EYS: variants seen among roughly 807,000 people sequenced by gnomAD.
The protein encoded by EYS is EGF-like photoreceptor maintenance factor.
A neutral mutation model predicts 282.1 loss-of-function variants in EYS; 250 were observed. The ratio of observed to expected loss-of-function variants is 0.89; its 90% CI spans 0.80 to 0.98. The LOEUF is 0.98. EYS is among the 50% of genes least tolerant of loss of function. The pLI is 0.00. For synonymous variants in EYS, 1,355 were observed against 1,282.9 expected (o/e 1.06, Z -1.20); for missense variants, 4,016 against 3,709.0 (o/e 1.08, Z -2.15).
At chr6:63,864,447 T>G (rs946953293) in intron 35 of EYS, 89 bp from the exon 36 acceptor site, 7 of 868,384 alleles carry the variant, frequency 8.1e-6, no homozygotes, top group Non-Finnish European at 3.3e-6. Context: ...TGAACACATA[T>G]GCAAATAAAA....
chr6:65,104,330 T>C lies in EYS; in HGVS notation c.2024-46603A>G, dbSNP rs371945165. On this transcript the variant is annotated intron_variant, in intron 12 of 42. Transcript: ENST00000503581. ...AATGTTTAGAATGTTGTTTCTTTAC[T>C]ATATTTAATAAAATATCAATTACTG... Among the ~76,000 whole-genome samples, 4 of 151,626 alleles carry C rather than the reference T, an allele frequency of 2.6e-5. No homozygotes were observed. The South Asian group carries it at 6.2e-4, about 24-fold the overall frequency.
intron 35 of EYS, among the ~76,000 whole-genome samples, chr6:63,963,633 A>G (rs1355261491): frequency 1.3e-5 from 2 of 152,192 alleles, no homozygotes; most frequent in East Asian, 3.9e-4. Context: ...CAAGCTTGTC[A>G]CAGACTATGG....
intron 2 of EYS, among the ~76,000 whole-genome samples, chr6:65,563,455 A>C (rs1769143065): frequency 6.6e-6 from 1 of 152,064 alleles, no homozygotes; most frequent in Non-Finnish European, 1.5e-5. Flanking sequence ...TTCATGTATG[A>C]TCAAAATTTA....
intron 12 of EYS, among the ~76,000 whole-genome samples, chr6:65,122,114 T>C (rs780522620): frequency 6.6e-6 from 1 of 152,124 alleles, no homozygotes; most frequent in African/African-American, 2.4e-5. Flanking sequence ...AGGTCTCATA[T>C]TGAATCTTGA....
intron 5 of EYS, among the ~76,000 whole-genome samples, chr6:65,448,034 T>C (rs1367909016): frequency 1.3e-5 from 2 of 152,078 alleles, no homozygotes; most frequent in Admixed American, 6.6e-5. Context: ...GATGAAGTGT[T>C]GTTCAGCAGA....
chr6:63,899,127 C>T (rs1274445866), intron 35 of EYS, among the ~76,000 whole-genome samples: 1 of 152,158 alleles, frequency 6.6e-6, no homozygotes, highest in African/African-American at 2.4e-5. Context: ...AGAGAACAGA[C>T]AATTCTGGAA....
Position 63,721,563 on chromosome 6 carries a change from A to G in EYS, c.8468T>C (p.Ile2823Thr), listed in dbSNP as rs149686954. The G allele has an allele frequency of 3.2e-6, 5 of 1,551,760 alleles. No homozygotes were observed. The highest frequency in any genetic ancestry group is 1.7e-4 in the Middle Eastern group (1 of 5,998). Residue 2823 changes from isoleucine (I) to threonine (T), a missense_variant, in exon 43 of 43, where the codon ATT becomes ACT. Ile to Thr is a moderately conservative substitution (Grantham distance 89). Coordinates refer to ENST00000503581, the MANE Select transcript of EYS (RefSeq NM_001142800.2). ...SSLDTNTDFY[I>T]GGVSSLNLVN... The stretch of plus-strand genomic sequence containing the variant: ...AAGATTTAAAGAAGATACTCCTCCA[A>G]TATAGAAGTCTGTATTTGTGTCCAG...
intron 12 of EYS, among the ~76,000 whole-genome samples, chr6:65,106,795 C>T (rs34199013): frequency 0.19 from 29,137 of 151,970 alleles, 3,360 homozygotes; most frequent in South Asian, 0.27. Context: ...ATGTAAAATG[C>T]ATTTTTGTAG....
intron 2 of EYS, among the ~76,000 whole-genome samples, chr6:65,534,561 G>A (rs1767896430): frequency 6.6e-6 from 1 of 152,034 alleles, no homozygotes; most frequent in Admixed American, 6.6e-5. Context: ...CTGAAAAACA[G>A]CCAGCACTTC....
At chr6:64,549,927 C>G (rs1022863928) in intron 26 of EYS, among the ~76,000 whole-genome samples, 5 of 152,102 alleles carry the variant, frequency 3.3e-5, no homozygotes, top group Non-Finnish European at 7.3e-5. Context: ...TGATGTTCCC[C>G]TTCCTGTGTC....
At chr6:65,398,935 A>T (rs185894630) in intron 7 of EYS, among the ~76,000 whole-genome samples, 1 of 152,082 alleles carries the variant, frequency 6.6e-6, no homozygotes, top group Non-Finnish European at 1.5e-5. Context: ...CCTTAGAGTT[A>T]CCCTTGACTT....
intron 22 of EYS, among the ~76,000 whole-genome samples, chr6:64,681,431 A>C (rs529384946): frequency 6.6e-6 from 1 of 152,286 alleles, no homozygotes; most frequent in South Asian, 2.1e-4. Context: ...TGAGGGGGGA[A>C]AATACTAGGG....
chr6:64,283,903 C>T lies in EYS; in HGVS notation c.6191+23067G>A, dbSNP rs556199126. On this transcript the variant is annotated intron_variant, in intron 30 of 42. Coordinates refer to ENST00000503581, the MANE Select transcript of EYS (RefSeq NM_001142800.2). The stretch of plus-strand genomic sequence containing the variant: ...ACCACAAGAACAGCATGGGGGGAAC[C>T]GCCTCCACGATTCAAATTATCCCCA... Among the ~76,000 whole-genome samples the T allele has an allele frequency of 5.1e-4, 78 of 152,048 alleles. 1 individual carries two copies. The highest frequency in any genetic ancestry group is 1.6e-3 in the African/African-American group (68 of 41,396).
chr6:65,158,349 T>C (rs1423068058), intron 12 of EYS, among the ~76,000 whole-genome samples: 1 of 150,914 alleles, frequency 6.6e-6, no homozygotes, highest in East Asian at 2.0e-4. Context: ...ATGGAATGTG[T>C]CAAAATAGGC....
intron 26 of EYS, among the ~76,000 whole-genome samples, chr6:64,491,220 G>GA (rs1040312583): frequency 1.3e-5 from 2 of 150,618 alleles, no homozygotes; most frequent in East Asian, 2.0e-4. Context: ...CCTAAATTTA[G>GA]AAAAAATATT....
chr6:64,836,982 C>T (rs745619189), intron 19 of EYS, among the ~76,000 whole-genome samples: 14 of 151,534 alleles, frequency 9.2e-5, no homozygotes, highest in Non-Finnish European at 1.5e-5. Context: ...TATAAAAATG[C>T]TGTGGAAATT....
rs535936350 is a variant in EYS at position 65,379,305 on chromosome 6, G to A, written c.1299+5081C>T. Among the ~76,000 whole-genome samples, 15 of 152,196 alleles carry A rather than the reference G, an allele frequency of 9.9e-5. No individual in the cohort carries two copies. In the South Asian group the frequency reaches 2.9e-3, roughly 29 times the overall value. ...GCTTTATCCATGGGATGCAAAGATA[G>A]TTCAACATATGCAAATCAATAAACA... On this transcript the variant is annotated intron_variant, in intron 8 of 42. Transcript: ENST00000503581.
rs75033554 is a variant in EYS, at chr6:65,389,816, G to A, written c.1185-5316C>T. Among the ~76,000 whole-genome samples the A allele has an allele frequency of 8.7e-3, 1,324 of 152,028 alleles. 24 individuals are homozygous for A. Among genetic ancestry groups the A allele is most frequent in the African/African-American group, 0.031 (1,275 of 41,454 alleles). On this transcript the variant is annotated intron_variant, in intron 7 of 42. Coordinates refer to ENST00000503581, the MANE Select transcript of EYS (RefSeq NM_001142800.2). Reference sequence around the variant, plus strand: ...TATATAAAATGGACAAGAGTTTAACGGTAGGATGAGAATTAAACAGGTTTG... The same window carrying A: ...TATATAAAATGGACAAGAGTTTAACAGTAGGATGAGAATTAAACAGGTTTG...
intron 41 of EYS, among the ~76,000 whole-genome samples, chr6:63,746,028 G>T (rs971551195): frequency 2.0e-5 from 3 of 152,160 alleles, no homozygotes; most frequent in Non-Finnish European, 4.4e-5. Flanking sequence ...TAGACTTTCA[G>T]CCTCCAGACT....
Sources: allele counts gnomAD v4.1 joint callset (sites outside exome capture counted in the v4.1 genomes callset), GRCh38; gene constraint gnomAD v4.1.1; transcripts MANE v1.5; gene names NCBI Gene and HGNC (gene_info 2026-07-23, HGNC 2026-07-21).